Variants in ARMC3 observed in about 807,000 individuals in gnomAD.
The protein encoded by ARMC3 is armadillo repeat-containing protein 3.
Under a neutral mutation model 90.3 loss-of-function variants are expected in ARMC3, and 74 were observed. That is an observed-to-expected ratio of 0.82 (90% CI 0.68 to 0.99). The LOEUF is 0.99. ARMC3 is among the 50% of genes least tolerant of loss of function. The pLI, the probability that ARMC3 is intolerant of heterozygous loss-of-function variation, is 0.00. For synonymous variants in ARMC3, 334 were observed against 361.8 expected (o/e 0.92, Z 0.87); for missense variants, 958 against 1,042.8 (o/e 0.92, Z 1.12).
At chr10:23,024,393 C>CATAGATAG (rs546077538) in intron 16 of ARMC3, among the ~76,000 whole-genome samples, 2,211 of 133,524 alleles carry the variant, frequency 0.017, 42 homozygotes, top group African/African-American at 0.05. Flanking sequence ...AGGAATGCCA[C>CATAGATAG]ATAGATAGAT....
At chr10:22,974,038 G>T (rs911488097) in intron 8 of ARMC3, among the ~76,000 whole-genome samples, 3 of 152,060 alleles carry the variant, frequency 2.0e-5, no homozygotes, top group East Asian at 1.9e-4. Flanking sequence ...GATTACAGGC[G>T]TGAGCCACCG....
At chr10:22,976,871 A>G (rs1370726787) in intron 8 of ARMC3, among the ~76,000 whole-genome samples, 1 of 152,210 alleles carries the variant, frequency 6.6e-6, no homozygotes, top group African/African-American at 2.4e-5. Context: ...AATTGCAGGG[A>G]GTTCACGGAC....
intron 3 of ARMC3, among the ~76,000 whole-genome samples, chr10:22,946,974 A>G (rs1458165221): frequency 6.6e-6 from 1 of 152,148 alleles, no homozygotes; most frequent in Non-Finnish European, 1.5e-5. Flanking sequence ...AGCCTTGGCA[A>G]TGTGGCAAAG....
chr10:23,019,045 G>T (rs1838403365), intron 16 of ARMC3, among the ~76,000 whole-genome samples: 1 of 152,190 alleles, frequency 6.6e-6, no homozygotes, highest in Non-Finnish European at 1.5e-5. Context: ...CTCCCAATGT[G>T]GGCTCTCAGC....
chr10:22,952,378 T>G (rs1310373577), intron 3 of ARMC3, among the ~76,000 whole-genome samples: 1 of 152,072 alleles, frequency 6.6e-6, no homozygotes, highest in Non-Finnish European at 1.5e-5. Context: ...CTACAGATAT[T>G]AACAGGATAA....
chr10:23,007,032 T>G, intron 14 of ARMC3, 51 bp downstream of exon 14: 1 of 1,419,028 alleles, frequency 7.0e-7, no homozygotes, highest in Non-Finnish European at 9.6e-7. Flanking sequence ...CTGCTTGTTG[T>G]TGTTGTTTCT....
intron 17 of ARMC3, among the ~76,000 whole-genome samples, chr10:23,032,259 A>G (rs182187929): frequency 1.4e-3 from 210 of 152,282 alleles, no homozygotes; most frequent in African/African-American, 4.8e-3. Flanking sequence ...TGCCTTGCCC[A>G]CAGATCTGTG....
At chr10:22,979,003 T>C (rs140088822) in intron 8 of ARMC3, among the ~76,000 whole-genome samples, 9 of 152,310 alleles carry the variant, frequency 5.9e-5, no homozygotes, top group Non-Finnish European at 1.2e-4. Context: ...CCCAAATCAA[T>C]ATGCCTTTGA....
intron 16 of ARMC3, among the ~76,000 whole-genome samples, chr10:23,029,532 G>T (rs1376483485): frequency 6.6e-6 from 1 of 152,010 alleles, no homozygotes; most frequent in Non-Finnish European, 1.5e-5. Context: ...TGTTCATACT[G>T]GTTCAAAGAA....
intron 16 of ARMC3, among the ~76,000 whole-genome samples, chr10:23,021,233 A>G (rs1326309306): frequency 2.6e-5 from 4 of 152,224 alleles, no homozygotes; most frequent in Admixed American, 2.6e-4. Flanking sequence ...ATCTAGGTAG[A>G]TGCCGTGTAT....
rs1332518225 is a variant in ARMC3, at chr10:22,968,395, G to A, written c.822G>A (p.Gly274=). Residue 274 remains glycine, a synonymous_variant, in exon 8 of 19, where the codon GGG becomes GGA. Transcript: ENST00000298032. ...CTATGGTGCAGATTCAGCAGACAGGGGGTCTTAAAAAGCTCCTGTCATTTG... is the reference window on the plus strand; with the variant it reads ...CTATGGTGCAGATTCAGCAGACAGGAGGTCTTAAAAAGCTCCTGTCATTTG... ...MDTMVQIQQT[G]GLKKLLSFAE... is the part of the protein sequence containing the mutation. The A allele has an allele frequency of 3.1e-6, 5 of 1,613,370 alleles. No homozygotes were observed. Among genetic ancestry groups the A allele is most frequent in the Non-Finnish European group, 4.2e-6 (5 of 1,179,708 alleles).
chr10:22,998,222 A>C lies in ARMC3; in HGVS notation c.1250A>C (p.Asn417Thr). 2 of 1,613,270 alleles carry C rather than the reference A, an allele frequency of 1.2e-6. No homozygotes were observed. The highest frequency in any genetic ancestry group is 1.7e-6 in the Non-Finnish European group (2 of 1,179,572). Residue 417 changes from asparagine (N) to threonine (T), a missense_variant, in exon 11 of 19, where the codon AAC becomes ACC. By Grantham distance (65) the Asn-to-Thr change is moderately conservative. Coordinates refer to ENST00000298032, the MANE Select transcript of ARMC3 (RefSeq NM_173081.5). ...LSSKRDGAIA[N>T]AATVLTNMAM... ...AGTAAACGAGATGGAGCCATTGCCA[A>C]CGCTGCTACAGTATTAACAAACATG...
intron 2 of ARMC3, among the ~76,000 whole-genome samples, chr10:22,938,642 C>T (rs186493643): frequency 7.9e-5 from 12 of 151,944 alleles, no homozygotes; most frequent in Admixed American, 2.6e-4. Flanking sequence ...ATGGGTAGGA[C>T]GTGGAGTGTG....
chr10:22,969,691 G>C (rs1027707304), intron 8 of ARMC3, among the ~76,000 whole-genome samples: 3 of 152,336 alleles, frequency 2.0e-5, no homozygotes, highest in African/African-American at 7.2e-5. Context: ...TAGCTGGTCA[G>C]TTCTCTCTTC....
intron 8 of ARMC3, among the ~76,000 whole-genome samples, chr10:22,979,200 A>G (rs758979461): frequency 1.3e-5 from 2 of 152,244 alleles, no homozygotes; most frequent in Non-Finnish European, 2.9e-5. Context: ...AGGGGTACTG[A>G]ACAAATGTTA....
intron 10 of ARMC3, among the ~76,000 whole-genome samples, chr10:22,991,060 G>A (rs1249699091): frequency 2.0e-5 from 3 of 151,826 alleles, no homozygotes; most frequent in African/African-American, 7.3e-5. Context: ...ATGTCCTAAA[G>A]CAAGTAAATT....
rs766987522 is a variant in ARMC3, at chr10:22,981,643, G to T, written c.1118G>T (p.Arg373Leu). Residue 373 changes from arginine (R) to leucine (L), a missense_variant, in exon 10 of 19, where the codon CGG (arginine) becomes CTG (leucine). Physicochemically the swap from Arg to Leu is moderately radical, Grantham distance 102. Transcript: ENST00000298032. ...QLLKSDNEEV[R>L]EAAALALANL... ...CTAAAAAGTGACAATGAAGAGGTACGGGAAGCAGCAGCTCTAGCCCTGGCA... is the reference window on the plus strand; with the variant it reads ...CTAAAAAGTGACAATGAAGAGGTACTGGAAGCAGCAGCTCTAGCCCTGGCA... 1.2e-6 allele frequency: 2 copies of T among 1,614,114 alleles called. No individual in the cohort carries two copies. The highest frequency in any genetic ancestry group is 1.1e-5 in the South Asian group (1 of 91,056).
intron 7 of ARMC3, among the ~76,000 whole-genome samples, chr10:22,964,359 G>A (rs1223099754): frequency 1.3e-5 from 2 of 151,516 alleles, no homozygotes. Flanking sequence ...TTATTGATTT[G>A]GTTATAGTTA....
intron 16 of ARMC3, among the ~76,000 whole-genome samples, chr10:23,025,020 A>G (rs1232753205): frequency 6.6e-6 from 1 of 152,180 alleles, no homozygotes; most frequent in African/African-American, 2.4e-5. Context: ...TACATTAGTG[A>G]TCAAATGAAT....
Sources: gnomAD v4.1 joint callset for allele counts (sites outside exome capture counted in the v4.1 genomes callset) on GRCh38, gnomAD v4.1.1 for gene constraint, MANE v1.5 for transcripts, NCBI Gene and HGNC (gene_info 2026-07-23, HGNC 2026-07-21) for gene names.